KCNK10: variants seen among roughly 807,000 people sequenced by gnomAD.
KCNK10 encodes potassium two pore domain channel subfamily K member 10.
In KCNK10, 25 loss-of-function variants were observed where a neutral mutation model predicts 47.7. The ratio of observed to expected loss-of-function variants is 0.52; its 90% CI spans 0.38 to 0.73. The LOEUF (loss-of-function observed/expected upper bound fraction) is 0.73. Ranked by LOEUF, KCNK10 falls within the 30% of genes least tolerant of loss-of-function variation. The probability of loss-of-function intolerance (pLI) is 0.00; values close to 1 mark genes in which losing one functional copy is unlikely to be tolerated. For synonymous variants in KCNK10, 303 were observed against 285.6 expected, an observed-to-expected ratio of 1.06 and a Z score of -0.61; for missense variants, 563 against 714.5, an observed-to-expected ratio of 0.79 and a Z score of 2.42.
At chr14:88,211,441 C>T (rs778215932) in intron 4 of KCNK10, among the ~76,000 whole-genome samples, 1 of 152,090 alleles carries the variant, frequency 6.6e-6, no homozygotes, top group Non-Finnish European at 1.5e-5. Context: ...GTGATGGTTG[C>T]ACAACAATGT....
chr14:88,218,759 C>G (rs1885704740), intron 4 of KCNK10, among the ~76,000 whole-genome samples: 1 of 152,058 alleles, frequency 6.6e-6, no homozygotes, highest in Non-Finnish European at 1.5e-5. Flanking sequence ...ATCAGCCTGG[C>G]CCAGCAAGAC....
chr14:88,305,366 T>C (rs1410217790), intron 1 of KCNK10, among the ~76,000 whole-genome samples: 1 of 152,200 alleles, frequency 6.6e-6, no homozygotes, highest in African/African-American at 2.4e-5. Flanking sequence ...TCAACTGTAC[T>C]TGATTCTGCC....
At chr14:88,219,585 T>A (rs1885731426) in intron 4 of KCNK10, among the ~76,000 whole-genome samples, 1 of 152,234 alleles carries the variant, frequency 6.6e-6, no homozygotes. Flanking sequence ...CTATGAGTGA[T>A]CTCAGTGGCT....
chr14:88,214,772 C>T (rs1885567221), intron 4 of KCNK10, among the ~76,000 whole-genome samples: 1 of 152,140 alleles, frequency 6.6e-6, no homozygotes, highest in African/African-American at 2.4e-5. Context: ...TGAGAGAGAG[C>T]ATGAAGTCAG....
In KCNK10 at chr14:88,287,721, G is replaced by GTA. The variant is rs1555364727; in HGVS notation, c.53-24171_53-24170insTA. ...TGTGTGTGTGTGTGTGTGTGTGTGTGTGTATCACAATTTCTTCATCCACTC... is the reference window on the plus strand; with the variant it reads ...TGTGTGTGTGTGTGTGTGTGTGTGTGTATGTATCACAATTTCTTCATCCACTC... On this transcript the variant is annotated intron_variant, in intron 1 of 6. Coordinates refer to ENST00000319231, the MANE Select transcript of KCNK10 (RefSeq NM_138317.3). Among the ~76,000 whole-genome samples the GTA allele has an allele frequency of 3.4e-3, 378 of 111,090 alleles. 2 individuals are homozygous for GTA. The highest frequency in any genetic ancestry group is 0.012 in the African/African-American group (349 of 30,060). The allele number at this position is 111,090 out of a possible 152,430, so 72.9% of individuals were successfully genotyped here.
At chr14:88,290,178 T>A (rs1288990565) in intron 1 of KCNK10, among the ~76,000 whole-genome samples, 1 of 152,092 alleles carries the variant, frequency 6.6e-6, no homozygotes, top group African/African-American at 2.4e-5. Context: ...TCTGGGTGGG[T>A]CCAGTGTAAT....
chr14:88,202,357 C>A (rs932799444), intron 4 of KCNK10, among the ~76,000 whole-genome samples: 9 of 152,306 alleles, frequency 5.9e-5, no homozygotes, highest in Non-Finnish European at 1.0e-4. Context: ...TTTGAACATC[C>A]TTCTTTAGTT....
chr14:88,233,966 G>T (rs929883521), intron 3 of KCNK10, among the ~76,000 whole-genome samples: 4 of 152,164 alleles, frequency 2.6e-5, no homozygotes, highest in African/African-American at 9.7e-5. Context: ...TGTACTTCTT[G>T]AAGTGGCCCA....
chr14:88,188,078 C>A lies in KCNK10; in HGVS notation c.900G>T (p.Trp300Cys), dbSNP rs766497011. The A allele has an allele frequency of 1.2e-6, 2 of 1,614,200 alleles. No individual in the cohort carries two copies. The highest frequency in any genetic ancestry group is 3.3e-5 in the Admixed American group (2 of 60,028). Residue 300 changes from tryptophan to cysteine, a missense_variant, in exon 6 of 7, where the codon TGG becomes TGT. Trp to Cys is a radical substitution (Grantham distance 215). Coordinates refer to ENST00000319231, the MANE Select transcript of KCNK10 (RefSeq NM_138317.3). ...GGNAGINYRE[W>C]YKPLVWFWIL... The stretch of plus-strand genomic sequence containing the variant: ...TCCAAAACCACACTAGGGGCTTATA[C>A]CACTCCCGATAATTGATGCCAGCGT...
At chr14:88,187,032 G>A (rs1884586361) in intron 6 of KCNK10, among the ~76,000 whole-genome samples, 1 of 152,204 alleles carries the variant, frequency 6.6e-6, no homozygotes, top group South Asian at 2.1e-4. Flanking sequence ...TATTCATGTT[G>A]TTCCCTTCTC....
intron 1 of KCNK10, chr14:88,270,731 C>T (rs1282793852): frequency 1.3e-6 from 1 of 781,070 alleles, no homozygotes; most frequent in East Asian, 2.4e-5. Context: ...ACCCCATCTT[C>T]TCTCACCTGA....
chr14:88,206,562 T>C (rs1595080427), intron 4 of KCNK10, among the ~76,000 whole-genome samples: 1 of 152,334 alleles, frequency 6.6e-6, no homozygotes, highest in Non-Finnish European at 1.5e-5. Flanking sequence ...CTGAGAGTTG[T>C]TCTCTATTTT....
At chr14:88,308,969 G>T (rs570976443) in intron 1 of KCNK10, among the ~76,000 whole-genome samples, 2 of 152,130 alleles carry the variant, frequency 1.3e-5, no homozygotes, top group Non-Finnish European at 2.9e-5. Flanking sequence ...TGTCAAATGT[G>T]TGCCTGAAAC....
At chr14:88,270,697 G>A in intron 1 of KCNK10, 2 of 780,908 alleles carry the variant, frequency 2.6e-6, no homozygotes, top group Non-Finnish European at 4.8e-6. Context: ...TCACATCTGT[G>A]CTTTCCTGTC....
At chr14:88,251,169 G>T (rs749380594) in intron 2 of KCNK10, among the ~76,000 whole-genome samples, 1 of 140,280 alleles carries the variant, frequency 7.1e-6, no homozygotes, top group Admixed American at 7.7e-5. Context: ...GGAGGTGGAG[G>T]TTGCAGTGAG....
intron 3 of KCNK10, among the ~76,000 whole-genome samples, chr14:88,236,217 T>C (rs1052967475): frequency 3.9e-5 from 6 of 151,914 alleles, no homozygotes; most frequent in Non-Finnish European, 8.8e-5. Context: ...CTCAGGAGGC[T>C]GAAGCCAAAA....
At chr14:88,279,669 G>T (rs749950824) in intron 1 of KCNK10, among the ~76,000 whole-genome samples, 2 of 152,042 alleles carry the variant, frequency 1.3e-5, no homozygotes, top group African/African-American at 2.4e-5. Flanking sequence ...TAAGGTAAGG[G>T]ACAGGAGGAG....
At position 88,233,619 on chromosome 14, in the gene KCNK10, C is replaced by G. The variant is rs150393818; in HGVS notation, c.521-6084G>C. 2.0e-3 allele frequency among the ~76,000 whole-genome samples: 306 copies of G among 152,280 alleles called. 1 individual carries two copies. Among genetic ancestry groups the G allele is most frequent in the African/African-American group, 6.9e-3 (288 of 41,560 alleles). On this transcript the variant is annotated intron_variant, in intron 3 of 6. Transcript: ENST00000319231. Reference sequence around the variant, plus strand: ...GGGCTAAGAGCCATTTGCTCAAACTCAAAGATTCCGGTGTAAGCACACACA... The same window carrying G: ...GGGCTAAGAGCCATTTGCTCAAACTGAAAGATTCCGGTGTAAGCACACACA...
chr14:88,195,953 G>A (rs533675984), intron 4 of KCNK10, among the ~76,000 whole-genome samples: 2 of 152,314 alleles, frequency 1.3e-5, no homozygotes, highest in Admixed American at 6.5e-5. Context: ...CTAGCAGAAA[G>A]CTCTGTGAGA....
Sources: gnomAD v4.1 joint callset for allele counts (sites outside exome capture counted in the v4.1 genomes callset) on GRCh38, gnomAD v4.1.1 for gene constraint, MANE v1.5 for transcripts, NCBI Gene and HGNC (gene_info 2026-07-23, HGNC 2026-07-21) for gene names.